The following KLHL29 variants were observed in gnomAD, a reference collection of about 807,000 sequenced individuals.
The protein encoded by KLHL29 is kelch like family member 29, also known as kelch-like protein 29.
A neutral mutation model predicts 80.4 loss-of-function variants in KLHL29; 21 were observed. The observed-to-expected ratio is 0.26, with a 90% confidence interval of 0.19 to 0.38. The LOEUF (loss-of-function observed/expected upper bound fraction) is 0.38. Among genes scored for constraint, KLHL29 ranks in the 10% least tolerant of loss-of-function variants. KLHL29 has a pLI of 1.00. For missense variants in KLHL29, 867 were observed against 1,223.9 expected (o/e 0.71, Z 4.35); for synonymous variants, 511 against 526.8 (o/e 0.97, Z 0.41).
intron 1 of KLHL29, among the ~76,000 whole-genome samples, chr2:23,396,959 A>T (rs548686436): frequency 9.7e-4 from 147 of 152,020 alleles, no homozygotes; most frequent in Admixed American, 1.7e-3. Flanking sequence ...TTTTCTCTGT[A>T]TAAGGTCACC....
intron 3 of KLHL29, among the ~76,000 whole-genome samples, chr2:23,594,659 C>T (rs1420485597): frequency 2.0e-5 from 3 of 152,176 alleles, no homozygotes; most frequent in African/African-American, 7.2e-5. Context: ...TCCCAGCCTC[C>T]AGGCTCCACA....
chr2:23,589,263 T>C (rs570734074), intron 3 of KLHL29, among the ~76,000 whole-genome samples: 15 of 152,320 alleles, frequency 9.8e-5, no homozygotes, highest in Middle Eastern at 3.4e-3. Context: ...GAAGGAAATA[T>C]TGATTTTGCT....
At chr2:23,570,506 G>A (rs1667692546) in intron 3 of KLHL29, among the ~76,000 whole-genome samples, 1 of 152,208 alleles carries the variant, frequency 6.6e-6, no homozygotes, top group South Asian at 2.1e-4. Flanking sequence ...TAAGTTTGTG[G>A]TTCTCTGTCC....
intron 11 of KLHL29, among the ~76,000 whole-genome samples, chr2:23,699,342 C>T (rs776132371): frequency 2.6e-5 from 4 of 152,202 alleles, no homozygotes; most frequent in Admixed American, 6.5e-5. Flanking sequence ...CCTCGCATTG[C>T]GTCCAGGCAC....
chr2:23,629,138 G>A (rs888394643), intron 3 of KLHL29, among the ~76,000 whole-genome samples: 9 of 152,190 alleles, frequency 5.9e-5, no homozygotes, highest in African/African-American at 1.2e-4. Context: ...GGAGCGGTGC[G>A]GACTGATTGA....
chr2:23,542,403 G>T (rs1666862032), intron 2 of KLHL29, among the ~76,000 whole-genome samples: 1 of 152,188 alleles, frequency 6.6e-6, no homozygotes, highest in Admixed American at 6.5e-5. Flanking sequence ...AACCAGGTCT[G>T]CTGGGGAAGC....
intron 1 of KLHL29, among the ~76,000 whole-genome samples, chr2:23,437,306 G>C (rs1433500690): frequency 6.6e-6 from 1 of 152,226 alleles, no homozygotes; most frequent in African/African-American, 2.4e-5. Flanking sequence ...CTATGAGATT[G>C]CAACTTGGTG....
chr2:23,437,589 G>A (rs2103412465), intron 1 of KLHL29, among the ~76,000 whole-genome samples: 1 of 152,016 alleles, frequency 6.6e-6, no homozygotes, highest in African/African-American at 2.4e-5. Context: ...GCATTCACTT[G>A]GCGTACAGCC....
chr2:23,607,560 C>T (rs1177348132), intron 3 of KLHL29, among the ~76,000 whole-genome samples: 2 of 152,300 alleles, frequency 1.3e-5, no homozygotes, highest in Middle Eastern at 3.4e-3. Flanking sequence ...TTCTTTAGAG[C>T]AGGGGTCACC....
At chr2:23,407,711 T>C (rs1666767312) in intron 1 of KLHL29, among the ~76,000 whole-genome samples, 1 of 152,196 alleles carries the variant, frequency 6.6e-6, no homozygotes, top group Admixed American at 6.5e-5. Flanking sequence ...CAGTTGCATT[T>C]TCTTCTAATT....
chr2:23,606,879 A>G (rs1383259928), intron 3 of KLHL29, among the ~76,000 whole-genome samples: 1 of 152,224 alleles, frequency 6.6e-6, no homozygotes, highest in Admixed American at 6.5e-5. Context: ...CTTAGAAACA[A>G]CAGAAATGTA....
intron 3 of KLHL29, among the ~76,000 whole-genome samples, chr2:23,585,842 G>T (rs1356774547): frequency 6.6e-6 from 1 of 152,236 alleles, no homozygotes; most frequent in Non-Finnish European, 1.5e-5. Context: ...AGCAGACTCT[G>T]CTCCAGAGAA....
At chr2:23,593,204 G>A (rs747126113) in intron 3 of KLHL29, among the ~76,000 whole-genome samples, 6 of 152,190 alleles carry the variant, frequency 3.9e-5, no homozygotes, top group Non-Finnish European at 5.9e-5. Flanking sequence ...TCCTCTGGTG[G>A]CTTGTTGACT....
chr2:23,476,816 G>A (rs181550566), intron 2 of KLHL29, among the ~76,000 whole-genome samples: 189 of 152,364 alleles, frequency 1.2e-3, no homozygotes, highest in African/African-American at 4.4e-3. Context: ...CAGAAATGCC[G>A]GGGAACCTGG....
chr2:23,526,485 C>G (rs1666323963), intron 2 of KLHL29, among the ~76,000 whole-genome samples: 1 of 152,202 alleles, frequency 6.6e-6, no homozygotes, highest in African/African-American at 2.4e-5. Flanking sequence ...CTGAGACGCC[C>G]TGAATTCCAG....
chr2:23,628,724 A>G (rs1021677525), intron 3 of KLHL29, among the ~76,000 whole-genome samples: 1 of 151,762 alleles, frequency 6.6e-6, no homozygotes, highest in Non-Finnish European at 1.5e-5. Flanking sequence ...CAAATGGTTC[A>G]GTAAGGGAGT....
chr2:23,560,418 G>A (rs1281146439), intron 2 of KLHL29, among the ~76,000 whole-genome samples: 1 of 151,802 alleles, frequency 6.6e-6, no homozygotes, highest in Non-Finnish European at 1.5e-5. Context: ...CTACAGGCAC[G>A]TGCTGCCACT....
At chr2:23,407,766 T>C (rs1199168991) in intron 1 of KLHL29, among the ~76,000 whole-genome samples, 1 of 152,350 alleles carries the variant, frequency 6.6e-6, no homozygotes, top group East Asian at 1.9e-4. Flanking sequence ...TCAGGTTTTC[T>C]CATTTTGCTA....
intron 1 of KLHL29, among the ~76,000 whole-genome samples, chr2:23,407,711 T>TTCTTCTAATTGTTTTGCAA (rs1214639644): frequency 2.0e-5 from 3 of 152,196 alleles, no homozygotes; most frequent in African/African-American, 7.2e-5. Context: ...CAGTTGCATT[T>TTCTTCTAATTGTTTTGCAA]TCTTCTAATT....
Sources: allele counts gnomAD v4.1 joint callset (sites outside exome capture counted in the v4.1 genomes callset), GRCh38; gene constraint gnomAD v4.1.1; transcripts MANE v1.5; gene names NCBI Gene and HGNC (gene_info 2026-07-23, HGNC 2026-07-21).